The following MAML3 variants were observed in gnomAD, a reference collection of about 807,000 sequenced individuals.
The protein encoded by MAML3 is mastermind like transcriptional coactivator 3, also known as mastermind-like protein 3.
Under a neutral mutation model 101.9 loss-of-function variants are expected in MAML3, and 27 were observed. That is an observed-to-expected ratio of 0.27 (90% CI 0.20 to 0.37). The LOEUF (loss-of-function observed/expected upper bound fraction) is 0.37, where lower values mean the gene tolerates loss of function less well. Ranked by LOEUF, MAML3 falls within the 10% of genes least tolerant of loss-of-function variation. The pLI is 1.00. For missense variants in MAML3, 1,316 were observed against 1,444.9 expected (o/e 0.91, Z 1.45); for synonymous variants, 501 against 555.9 (o/e 0.90, Z 1.39).
intron 3 of MAML3, among the ~76,000 whole-genome samples, chr4:139,728,279 C>A (rs1728557529): frequency 6.6e-6 from 1 of 152,162 alleles, no homozygotes; most frequent in Non-Finnish European, 1.5e-5. Context: ...GGACAACCTG[C>A]ACTAAATCTG....
intron 1 of MAML3, among the ~76,000 whole-genome samples, chr4:140,144,458 G>A (rs1331511882): frequency 1.3e-5 from 2 of 150,466 alleles, no homozygotes; most frequent in Non-Finnish European, 1.5e-5. Flanking sequence ...TGAGGCAGGG[G>A]AATTGCTTGA....
chr4:140,114,116 G>T (rs908930981), intron 1 of MAML3, among the ~76,000 whole-genome samples: 12 of 152,128 alleles, frequency 7.9e-5, no homozygotes, highest in Admixed American at 1.3e-4. Context: ...AACTCCCTGT[G>T]CAGTCTTCCC....
At chr4:139,739,560 T>C (rs535614998) in intron 2 of MAML3, among the ~76,000 whole-genome samples, 7 of 152,148 alleles carry the variant, frequency 4.6e-5, no homozygotes, top group Non-Finnish European at 1.0e-4. Context: ...TTAAATAAAT[T>C]ATGGTACATC....
At chr4:140,026,764 A>G (rs1012309611) in intron 1 of MAML3, among the ~76,000 whole-genome samples, 1 of 152,164 alleles carries the variant, frequency 6.6e-6, no homozygotes, top group Non-Finnish European at 1.5e-5. Flanking sequence ...TTTCTCACCT[A>G]ACATTAAAAT....
intron 1 of MAML3, among the ~76,000 whole-genome samples, chr4:140,033,742 A>T (rs1726942705): frequency 6.6e-6 from 1 of 152,216 alleles, no homozygotes; most frequent in African/African-American, 2.4e-5. Context: ...TACTCACCAC[A>T]CAGGGTTATC....
chr4:140,077,338 A>G (rs1375564532), intron 1 of MAML3, among the ~76,000 whole-genome samples: 2 of 152,194 alleles, frequency 1.3e-5, no homozygotes, highest in African/African-American at 4.8e-5. Flanking sequence ...CAGTACTGCC[A>G]TAAAAGGAAG....
intron 1 of MAML3, among the ~76,000 whole-genome samples, chr4:140,078,064 TTTCTGTTCCCAAACAC>T (rs1285119073): frequency 7.0e-6 from 1 of 142,140 alleles, no homozygotes; most frequent in Non-Finnish European, 1.6e-5. Context: ...AAGACAGGTT[TTTCTGTTCCCAAACAC>T]TTCTGGAAAT....
At chr4:139,947,851 C>T (rs1251439925) in intron 1 of MAML3, among the ~76,000 whole-genome samples, 4 of 152,126 alleles carry the variant, frequency 2.6e-5, no homozygotes, top group Admixed American at 6.6e-5. Context: ...CCTGTAATCC[C>T]AGCACTTTGG....
chr4:139,743,805 A>G (rs1729235176), intron 2 of MAML3, among the ~76,000 whole-genome samples: 1 of 152,242 alleles, frequency 6.6e-6, no homozygotes, highest in South Asian at 2.1e-4. Flanking sequence ...AAAGGTCGAC[A>G]AGGCCAATCT....
At chr4:139,991,949 A>G (rs376470333) in intron 1 of MAML3, among the ~76,000 whole-genome samples, 1 of 152,092 alleles carries the variant, frequency 6.6e-6, no homozygotes, top group East Asian at 1.9e-4. Flanking sequence ...CATCACCACA[A>G]TCCAGTTTGA....
At chr4:139,916,351 C>T (rs1047207247) in intron 1 of MAML3, among the ~76,000 whole-genome samples, 1 of 152,214 alleles carries the variant, frequency 6.6e-6, no homozygotes, top group African/African-American at 2.4e-5. Context: ...CAGCCGTTCT[C>T]AGAACATTTC....
chr4:139,779,009 A>T (rs1179083880), intron 2 of MAML3, among the ~76,000 whole-genome samples: 4 of 151,502 alleles, frequency 2.6e-5, no homozygotes, highest in Non-Finnish European at 5.9e-5. Context: ...AGAAAAAGAA[A>T]ATGCTGTGAG....
intron 1 of MAML3, among the ~76,000 whole-genome samples, chr4:140,132,628 G>A (rs889834897): frequency 3.3e-5 from 5 of 152,300 alleles, no homozygotes; most frequent in East Asian, 3.9e-4. Flanking sequence ...AAAGAGCTCC[G>A]AAGAAGGCAA....
At chr4:139,769,881 C>T (rs1215097953) in intron 2 of MAML3, among the ~76,000 whole-genome samples, 1 of 149,726 alleles carries the variant, frequency 6.7e-6, no homozygotes, top group Non-Finnish European at 1.5e-5. Flanking sequence ...TCCCAAAGGG[C>T]TTGGATTACA....
At chr4:139,984,384 G>T (rs891724262) in intron 1 of MAML3, among the ~76,000 whole-genome samples, 1 of 152,100 alleles carries the variant, frequency 6.6e-6, no homozygotes, top group African/African-American at 2.4e-5. Context: ...TAAATGGGGA[G>T]GAGTAGCCAG....
At chr4:139,977,962 A>G (rs1050809393) in intron 1 of MAML3, among the ~76,000 whole-genome samples, 3 of 152,194 alleles carry the variant, frequency 2.0e-5, no homozygotes, top group Admixed American at 6.5e-5. Context: ...CAGGAAATTC[A>G]TCACAGAATC....
At chr4:139,862,945 A>G (rs950138143) in intron 2 of MAML3, among the ~76,000 whole-genome samples, 5 of 151,990 alleles carry the variant, frequency 3.3e-5, no homozygotes, top group Non-Finnish European at 7.4e-5. Context: ...GGGAATAATA[A>G]TAGAGATAAC....
intron 1 of MAML3, among the ~76,000 whole-genome samples, chr4:140,150,491 G>C (rs553961864): frequency 2.6e-5 from 4 of 152,118 alleles, no homozygotes; most frequent in African/African-American, 9.7e-5. Flanking sequence ...CACTGGGAAC[G>C]GCACTGGCTT....
chr4:140,123,134 C>T (rs907830725), intron 1 of MAML3, among the ~76,000 whole-genome samples: 7 of 147,204 alleles, frequency 4.8e-5, no homozygotes, highest in Non-Finnish European at 8.9e-5. Context: ...AAAGATACAG[C>T]TACAATCAAC....
Sources: allele counts gnomAD v4.1 joint callset (sites outside exome capture counted in the v4.1 genomes callset), GRCh38; gene constraint gnomAD v4.1.1; transcripts MANE v1.5; gene names NCBI Gene and HGNC (gene_info 2026-07-23, HGNC 2026-07-21).